The following WWOX variants were observed in gnomAD, a reference collection of about 807,000 sequenced individuals.
The protein encoded by WWOX is WW domain containing oxidoreductase.
In WWOX, 69 loss-of-function variants were observed where a neutral mutation model predicts 46.2. The ratio of observed to expected loss-of-function variants is 1.49; its 90% CI spans 1.23 to 1.82. WWOX has a LOEUF of 1.82. WWOX is among the 40% of genes most tolerant of loss of function. WWOX has a pLI of 0.00. For missense variants in WWOX, 919 were observed against 542.6 expected (o/e 1.69, Z -6.89); for synonymous variants, 359 against 202.6 (o/e 1.77, Z -6.56).
At chr16:78,323,354 C>G (rs1306614358) in intron 5 of WWOX, among the ~76,000 whole-genome samples, 2 of 152,198 alleles carry the variant, frequency 1.3e-5, no homozygotes, top group African/African-American at 4.8e-5. Flanking sequence ...ATCTGTCAGC[C>G]TCAGCCTCCT....
intron 8 of WWOX, among the ~76,000 whole-genome samples, chr16:78,633,410 C>A (rs1238110573): frequency 1.3e-5 from 2 of 152,186 alleles, no homozygotes; most frequent in African/African-American, 4.8e-5. Flanking sequence ...CCCTCTCCAC[C>A]CTTCCTGTCT....
intron 1 of WWOX, chr16:78,100,132 C>G (rs1177061206): frequency 1.9e-5 from 26 of 1,337,352 alleles, no homozygotes; most frequent in Non-Finnish European, 2.3e-5. Flanking sequence ...GGATGCAGCA[C>G]TGCGCGGCGC....
At chr16:79,167,851 C>G (rs1271067865) in intron 8 of WWOX, among the ~76,000 whole-genome samples, 1 of 152,168 alleles carries the variant, frequency 6.6e-6, no homozygotes, top group Non-Finnish European at 1.5e-5. Flanking sequence ...AGTTTCAAAA[C>G]TTTGTCATCA....
intron 5 of WWOX, among the ~76,000 whole-genome samples, chr16:78,354,926 G>A (rs181988315): frequency 1.3e-5 from 2 of 152,236 alleles, no homozygotes; most frequent in Admixed American, 6.5e-5. Context: ...CTGAGGTCAG[G>A]AATTCAAGAC....
chr16:78,562,779 C>G (rs1456682122), intron 8 of WWOX, among the ~76,000 whole-genome samples: 4 of 152,182 alleles, frequency 2.6e-5, no homozygotes, highest in African/African-American at 7.2e-5. Context: ...AAGACCCTGT[C>G]TATGGAAGTG....
intron 5 of WWOX, among the ~76,000 whole-genome samples, chr16:78,295,384 T>C (rs2079927828): frequency 6.6e-6 from 1 of 152,128 alleles, no homozygotes; most frequent in Non-Finnish European, 1.5e-5. Context: ...CATTATTATC[T>C]CCAACACTGG....
chr16:79,067,053 G>A (rs1052147224), intron 8 of WWOX, among the ~76,000 whole-genome samples: 2 of 152,162 alleles, frequency 1.3e-5, no homozygotes, highest in South Asian at 2.1e-4. Context: ...GAGCATCCGC[G>A]AAATGAATAA....
rs71137871 is a variant in WWOX at position 78,101,346 on chromosome 16, C to CTT, written c.107+1477_107+1478dup. On this transcript the variant is annotated intron_variant, in intron 1 of 8. Coordinates refer to ENST00000566780, the MANE Select transcript of WWOX (RefSeq NM_016373.4). ...ACAGGCGTGAGCTACCGCTCCCGGC[C>CTT]TTTTTTTTTTTTTTTTTAAAGACAG... Among the ~76,000 whole-genome samples, 92 of 66,850 alleles carry CTT rather than the reference C, an allele frequency of 1.4e-3. 11 individuals are homozygous for CTT. Among genetic ancestry groups the CTT allele is most frequent in the Middle Eastern group, 0.029 (2 of 70 alleles). 43.9% of individuals were successfully genotyped at this position (66,850 alleles called of 152,430 possible).
At chr16:79,013,360 C>T (rs573866479) in intron 8 of WWOX, among the ~76,000 whole-genome samples, 11 of 152,312 alleles carry the variant, frequency 7.2e-5, no homozygotes, top group Non-Finnish European at 1.6e-4. Context: ...TGTCTGACCC[C>T]AGGAGAACTG....
chr16:79,005,992 C>T (rs1019349771), intron 8 of WWOX, among the ~76,000 whole-genome samples: 3 of 152,166 alleles, frequency 2.0e-5, no homozygotes, highest in African/African-American at 4.8e-5. Context: ...GGTGTTTAGT[C>T]CCCTCTCTGC....
At chr16:78,610,216 T>C (rs1276967769) in intron 8 of WWOX, among the ~76,000 whole-genome samples, 2 of 152,180 alleles carry the variant, frequency 1.3e-5, no homozygotes, top group Non-Finnish European at 2.9e-5. Context: ...ATTCAGTTTG[T>C]GATAAAGATC....
intron 8 of WWOX, among the ~76,000 whole-genome samples, chr16:78,838,423 T>C (rs2052049533): frequency 6.6e-6 from 1 of 152,202 alleles, no homozygotes; most frequent in Admixed American, 6.5e-5. Context: ...CTTACACGTA[T>C]ACACAATAAG....
intron 5 of WWOX, among the ~76,000 whole-genome samples, chr16:78,228,268 T>C (rs952944434): frequency 1.3e-5 from 2 of 151,626 alleles, no homozygotes; most frequent in Admixed American, 6.6e-5. Context: ...CAGGGGGAGA[T>C]GGCATCAGCT....
intron 8 of WWOX, among the ~76,000 whole-genome samples, chr16:79,018,277 C>T (rs1331935924): frequency 6.6e-6 from 1 of 152,126 alleles, no homozygotes; most frequent in Non-Finnish European, 1.5e-5. Context: ...ATTTTCTGGT[C>T]ATTGTAATGG....
chr16:78,257,657 C>G (rs908255074), intron 5 of WWOX, among the ~76,000 whole-genome samples: 5 of 151,500 alleles, frequency 3.3e-5, no homozygotes, highest in Admixed American at 3.3e-4. Context: ...TTTTTTCCAT[C>G]TCCATTCCTT....
chr16:79,057,524 C>T (rs2048285311), intron 8 of WWOX, among the ~76,000 whole-genome samples: 2 of 152,098 alleles, frequency 1.3e-5, no homozygotes, highest in African/African-American at 4.8e-5. Flanking sequence ...CTGAGCTGAG[C>T]CGCACTTGGA....
chr16:79,153,412 G>C (rs1048930041), intron 8 of WWOX, among the ~76,000 whole-genome samples: 2 of 152,114 alleles, frequency 1.3e-5, no homozygotes, highest in African/African-American at 4.8e-5. Context: ...GAACTGTGGA[G>C]GTGTCCTCAG....
At chr16:78,980,457 C>G (rs1341649609) in intron 8 of WWOX, among the ~76,000 whole-genome samples, 2 of 152,232 alleles carry the variant, frequency 1.3e-5, no homozygotes, top group Admixed American at 6.5e-5. Flanking sequence ...ACAGTCAAAC[C>G]TCAATTTTCA....
intron 5 of WWOX, among the ~76,000 whole-genome samples, chr16:78,228,462 C>T (rs1295306613): frequency 2.6e-5 from 4 of 151,854 alleles, no homozygotes; most frequent in African/African-American, 4.8e-5. Context: ...CCACCTCAGC[C>T]TCCTGAGCAG....
Sources: allele counts gnomAD v4.1 joint callset (sites outside exome capture counted in the v4.1 genomes callset), GRCh38; gene constraint gnomAD v4.1.1; transcripts MANE v1.5; gene names NCBI Gene and HGNC (gene_info 2026-07-23, HGNC 2026-07-21).